The following COL6A6 variants were observed in gnomAD, a reference collection of about 807,000 sequenced individuals.
COL6A6 encodes the protein collagen type VI alpha 6 chain, also known as collagen alpha-6(VI) chain.
A neutral mutation model predicts 208.6 loss-of-function variants in COL6A6; 183 were observed. That is an observed-to-expected ratio of 0.88 (90% CI 0.78 to 0.99). The LOEUF is 0.99. COL6A6 is among the 50% of genes least tolerant of loss of function. The probability of loss-of-function intolerance (pLI) is 0.00; values close to 1 mark genes in which losing one functional copy is unlikely to be tolerated. For missense variants in COL6A6, 2,816 were observed against 2,815.2 expected (o/e 1.00, Z -0.01); for synonymous variants, 973 against 1,011.8 (o/e 0.96, Z 0.73).
chr3:130,517,279 G>A lies in COL6A6; in HGVS notation c.-150G>A, dbSNP rs893363009. ...CTCCACCGTCTCCCCGCGCGCCGCA[G>A]GCGGCACCAAACTCTGCGCTCCCCG... On this transcript the variant is annotated 5_prime_UTR_variant, in exon 1 of 37. Coordinates refer to ENST00000358511, the MANE Select transcript of COL6A6 (RefSeq NM_001102608.3). Among the ~76,000 whole-genome samples the A allele has an allele frequency of 6.6e-6, 1 of 152,204 alleles. No individual in the cohort carries two copies. Among genetic ancestry groups the A allele is most frequent in the East Asian group, 1.9e-4 (1 of 5,180 alleles).
chr3:130,631,147 G>A (rs1218399951), intron 26 of COL6A6, among the ~76,000 whole-genome samples: 1 of 15,138 alleles, frequency 6.6e-5, no homozygotes, highest in Non-Finnish European at 8.7e-5. Context: ...TTGATAGACC[G>A]CTAGCAAGAC....
At chr3:130,605,291 G>T (rs574789071) in intron 20 of COL6A6, among the ~76,000 whole-genome samples, 61 of 151,918 alleles carry the variant, frequency 4.0e-4, no homozygotes, top group African/African-American at 1.4e-3. Context: ...TATGGCATTT[G>T]CAATACTTTG....
At chr3:130,616,894 T>C (rs941316668) in intron 23 of COL6A6, among the ~76,000 whole-genome samples, 4 of 152,170 alleles carry the variant, frequency 2.6e-5, no homozygotes, top group African/African-American at 9.7e-5. Flanking sequence ...AGGATGGTAA[T>C]AGTAGCTACC....
intron 31 of COL6A6, 151 bp from the exon 32 acceptor site, chr3:130,644,840 G>T (rs2065422117): frequency 4.2e-6 from 3 of 717,720 alleles, no homozygotes; most frequent in South Asian, 1.7e-5. Context: ...CAAGATGTTA[G>T]ACTCTGTCTG....
rs756139102 is a variant in COL6A6, at chr3:130,675,372, A to G, written c.6767A>G (p.Glu2256Gly). 7.5e-6 allele frequency: 12 copies of G among 1,592,234 alleles called. No homozygotes were observed. Among genetic ancestry groups the G allele is most frequent in the Non-Finnish European group, 1.0e-5 (12 of 1,169,776 alleles). Residue 2256 changes from glutamate to glycine, a missense_variant, in exon 37 of 37, where the codon GAA (glutamate) becomes GGA (glycine). By Grantham distance (98) the Glu-to-Gly change is moderately conservative. Coordinates refer to ENST00000358511, the MANE Select transcript of COL6A6 (RefSeq NM_001102608.3). The stretch of plus-strand genomic sequence containing the variant: ...ACCTTTAAGAATGGAAGGATGATAG[A>G]AAGTGCTCCCAAACAACATGATTAA... The part of the protein sequence containing the change: ...SHTFKNGRMI[E>G]SAPKQHD
intron 20 of COL6A6, among the ~76,000 whole-genome samples, chr3:130,601,868 A>G (rs1305802591): frequency 6.6e-6 from 1 of 152,190 alleles, no homozygotes; most frequent in Non-Finnish European, 1.5e-5. Context: ...TTAAATCTCA[A>G]CCCTAATGAG....
rs577036632 is a variant in COL6A6, at chr3:130,527,728, C to T, written c.-32+10331C>T. Among the ~76,000 whole-genome samples the T allele has an allele frequency of 2.0e-5, 3 of 152,308 alleles. No individual in the cohort carries two copies. The East Asian group carries it at 5.8e-4, about 29-fold the overall frequency. The stretch of plus-strand genomic sequence containing the variant: ...GGTTTACCAAAGCACTTCATAGTTT[C>T]AGTATGATTGAATACTAATCATTTA... On this transcript the variant is annotated intron_variant, in intron 1 of 36. Transcript: ENST00000358511.
At chr3:130,585,895 C>T (rs1428138671) in intron 10 of COL6A6, among the ~76,000 whole-genome samples, 1 of 152,132 alleles carries the variant, frequency 6.6e-6, no homozygotes, top group Non-Finnish European at 1.5e-5. Flanking sequence ...CTGATAAGCC[C>T]CCAGGTGATG....
chr3:130,576,368 C>A (rs1245221979), intron 8 of COL6A6, among the ~76,000 whole-genome samples: 1 of 152,126 alleles, frequency 6.6e-6, no homozygotes, highest in Non-Finnish European at 1.5e-5. Flanking sequence ...AGTCTTAAAC[C>A]TTTAATAAGA....
At chr3:130,580,981 A>C (rs1041380376) in intron 8 of COL6A6, among the ~76,000 whole-genome samples, 1 of 151,818 alleles carries the variant, frequency 6.6e-6, no homozygotes, top group African/African-American at 2.4e-5. Flanking sequence ...GCAAGATCTC[A>C]AAGGATCTCC....
chr3:130,552,702 C>T lies in COL6A6; in HGVS notation c.-31-7632C>T, dbSNP rs911335561. On this transcript the variant is annotated intron_variant, in intron 1 of 36. Coordinates refer to ENST00000358511, the MANE Select transcript of COL6A6 (RefSeq NM_001102608.3). ...CCTGTCATCGTGTTGTTAACTTAAC[C>T]CTGGTTATTATGCAGACTTGTTTGT... Among the ~76,000 whole-genome samples, 3 of 152,124 alleles carry T rather than the reference C, an allele frequency of 2.0e-5. No homozygotes were observed. The East Asian group carries it at 5.8e-4, about 29-fold the overall frequency.
chr3:130,616,026 G>T (rs2064508995), intron 23 of COL6A6, among the ~76,000 whole-genome samples: 1 of 152,052 alleles, frequency 6.6e-6, no homozygotes, highest in Non-Finnish European at 1.5e-5. Flanking sequence ...TCTGTGCTTG[G>T]TTTTCTTGAA....
chr3:130,656,923 G>C (rs1303281114), intron 33 of COL6A6, among the ~76,000 whole-genome samples: 2 of 152,260 alleles, frequency 1.3e-5, no homozygotes, highest in African/African-American at 4.8e-5. Flanking sequence ...GCAGGTGCTG[G>C]AGCAGAGAGA....
Position 130,563,563 on chromosome 3 carries a change from G to A in COL6A6, c.560G>A (p.Arg187Gln), listed in dbSNP as rs185319822. 2,020 of 1,613,882 alleles carry A rather than the reference G, an allele frequency of 1.3e-3. 24 individuals are homozygous for A. In the African/African-American group the frequency reaches 0.023, roughly 19 times the overall value. Residue 187 changes from arginine to glutamine, a missense_variant, in exon 3 of 37, where the codon CGG (arginine) becomes CAG (glutamine). Transcript: ENST00000358511. ...ACGTCTCAGTTTCATTTCAACCTTC[G>A]GACAGTCAGAGACCTCAGCATGTTT... ...MATSQFHFNLRTVRDLSMFSQ... is the reference protein window; with the variant it reads ...MATSQFHFNLQTVRDLSMFSQ...
chr3:130,601,356 C>T (rs1046331063), intron 20 of COL6A6, among the ~76,000 whole-genome samples: 5 of 152,100 alleles, frequency 3.3e-5, no homozygotes, highest in African/African-American at 1.2e-4. Context: ...GGAGCATACC[C>T]GTGTTCTTTG....
intron 1 of COL6A6, among the ~76,000 whole-genome samples, chr3:130,539,072 A>G (rs1383447015): frequency 6.6e-6 from 1 of 152,218 alleles, no homozygotes; most frequent in Non-Finnish European, 1.5e-5. Context: ...GCCATCCTCA[A>G]CATTTGGTGC....
chr3:130,607,620 T>C (rs1251013594), intron 21 of COL6A6, among the ~76,000 whole-genome samples: 4 of 152,174 alleles, frequency 2.6e-5, no homozygotes, highest in African/African-American at 9.7e-5. Context: ...AAGATAGCTT[T>C]ACTCATGAAA....
In COL6A6 at chr3:130,638,591, A is replaced by G. The variant is rs12635412; in HGVS notation, c.5091+2830A>G. On this transcript the variant is annotated intron_variant, in intron 28 of 36. Transcript: ENST00000358511. The stretch of plus-strand genomic sequence containing the variant: ...TGGATTTCTCCCTTGTTTCGTGGAA[A>G]ACTCATCCAGTAGCCTGCTAAGAAG... Among the ~76,000 whole-genome samples, 48 of 152,302 alleles carry G rather than the reference A, an allele frequency of 3.2e-4. 1 individual carries two copies. The East Asian group carries it at 7.5e-3, about 24-fold the overall frequency.
intron 24 of COL6A6, among the ~76,000 whole-genome samples, chr3:130,624,397 T>C (rs563442255): frequency 1.2e-4 from 19 of 152,264 alleles, no homozygotes. Context: ...AGTCCAGCAG[T>C]TGAATGTTGC....
Sources: allele counts gnomAD v4.1 joint callset (sites outside exome capture counted in the v4.1 genomes callset), GRCh38; gene constraint gnomAD v4.1.1; transcripts MANE v1.5; gene names NCBI Gene and HGNC (gene_info 2026-07-23, HGNC 2026-07-21).